TADA3: variants seen among roughly 807,000 people sequenced by gnomAD.
TADA3 encodes transcriptional adaptor 3.
Under a neutral mutation model 43.2 loss-of-function variants are expected in TADA3, and 25 were observed. The ratio of observed to expected loss-of-function variants is 0.58; its 90% CI spans 0.42 to 0.81. The LOEUF is 0.81. TADA3 is among the 30% of genes least tolerant of loss of function. The pLI, the probability that TADA3 is intolerant of heterozygous loss-of-function variation, is 0.00. For synonymous variants in TADA3, 235 were observed against 225.5 expected (o/e 1.04, Z -0.38); for missense variants, 441 against 567.8 (o/e 0.78, Z 2.27).
chr3:9,787,910 G>T, intron 4 of TADA3: 1 of 369,304 alleles, frequency 2.7e-6, no homozygotes, highest in South Asian at 2.1e-5. Flanking sequence ...AGGGAGAGAA[G>T]AGCTTGCCAG....
rs560623592 is a variant in TADA3 at position 9,782,058 on chromosome 3, G to A, written c.1107-1509C>T. Among the ~76,000 whole-genome samples the A allele has an allele frequency of 5.9e-5, 9 of 151,826 alleles. No individual in the cohort carries two copies. In the South Asian group the frequency reaches 8.3e-4, roughly 14 times the overall value. Reference sequence around the variant, plus strand: ...TGACTACATTGCCCAGGCTAGTTTCGAACTCCTGAGCTCAAACAAGCCTCC... The same window carrying A: ...TGACTACATTGCCCAGGCTAGTTTCAAACTCCTGAGCTCAAACAAGCCTCC... On this transcript the variant is annotated intron_variant, in intron 8 of 8. Coordinates refer to ENST00000301964, the MANE Select transcript of TADA3 (RefSeq NM_006354.5).
intron 8 of TADA3, chr3:9,781,599 A>T (rs1431886057): frequency 2.2e-6 from 1 of 456,232 alleles, no homozygotes; most frequent in Admixed American, 2.3e-5. Context: ...GGCTGACAGG[A>T]GGTGGGTGAG....
intron 8 of TADA3, chr3:9,783,797 ACAAAT>A: frequency 2.7e-6 from 2 of 737,906 alleles, no homozygotes; most frequent in Non-Finnish European, 3.9e-6. Context: ...CAAAACAAAA[ACAAAT>A]CAAATCAATC....
In TADA3 at chr3:9,780,153, G is replaced by A. The variant is rs1575289086; in HGVS notation, c.*204C>T. On this transcript the variant is annotated 3_prime_UTR_variant, in exon 9 of 9. Transcript: ENST00000301964. ...ATCTCGGGGACCAAGCAGAGACTAG[G>A]CCTCAGGCTAGCCCAGCAGGGCTTC... 2 of 496,532 alleles carry A rather than the reference G, an allele frequency of 4.0e-6. No homozygotes were observed. The highest frequency in any genetic ancestry group is 6.4e-5 in the East Asian group (2 of 31,170). The allele number at this position is 496,532 out of a possible 1,614,324, so 30.8% of individuals were successfully genotyped here.
At chr3:9,787,415 C>A in intron 4 of TADA3, 75 bp from the exon 5 acceptor site, 1 of 1,525,982 alleles carries the variant, frequency 6.6e-7, no homozygotes, top group Non-Finnish European at 8.8e-7. Context: ...ATTCACTTAC[C>A]TATCTTATAT....
chr3:9,789,588 C>A lies in TADA3; in HGVS notation c.485G>T (p.Cys162Phe), dbSNP rs200008508. The change falls in exon 4 of 9, where the codon TGT (cysteine) becomes TTT (phenylalanine). Residue 162 changes from cysteine (C) to phenylalanine (F), a missense_variant. By Grantham distance (205) the Cys-to-Phe change is radical (BLOSUM62 -2). Coordinates refer to ENST00000301964, the MANE Select transcript of TADA3 (RefSeq NM_006354.5). Reference protein sequence around the residue: ...NRFWASVEPYCADITSEEVRT... With the variant: ...NRFWASVEPYFADITSEEVRT... ...GACCTCCTCGCTGGTGATGTCAGCA[C>A]AGTAGGGCTCCACTGAAGCCCAGAA... The A allele has an allele frequency of 1.2e-4, 192 of 1,614,052 alleles. No individual in the cohort carries two copies. Among genetic ancestry groups the A allele is most frequent in the Non-Finnish European group, 1.6e-4 (187 of 1,180,022 alleles).
At chr3:9,781,912 C>T (rs752102469) in intron 8 of TADA3, among the ~76,000 whole-genome samples, 7 of 146,730 alleles carry the variant, frequency 4.8e-5, no homozygotes, top group Non-Finnish European at 8.9e-5. Flanking sequence ...TGATCAAGCT[C>T]ACTGCAGCCT....
rs1431978835 is a variant in TADA3 at position 9,780,138 on chromosome 3, C to G, written c.*219G>C. ...GTCCCCTCCAACCCCATCTCGGGGA[C>G]CAAGCAGAGACTAGGCCTCAGGCTA... On this transcript the variant is annotated 3_prime_UTR_variant, in exon 9 of 9. Transcript: ENST00000301964. 3 of 455,568 alleles carry G rather than the reference C, an allele frequency of 6.6e-6. No individual in the cohort carries two copies. Among genetic ancestry groups the G allele is most frequent in the Non-Finnish European group, 1.2e-5 (3 of 258,372 alleles). 28.2% of individuals were successfully genotyped at this position (455,568 alleles called of 1,614,324 possible).
chr3:9,791,291 C>T lies in TADA3; in HGVS notation c.176G>A (p.Arg59Gln), dbSNP rs556976760. 11 of 1,613,426 alleles carry T rather than the reference C, an allele frequency of 6.8e-6. No individual in the cohort carries two copies. The highest frequency in any genetic ancestry group is 2.2e-5 in the East Asian group (1 of 44,882). The part of the protein sequence containing the change: ...ELETLLSSAS[R>Q]RLRVLEAETQ... ...TTCGGCCTCAAGCACACGCAGGCGC[C>T]GGCTGGCAGAAGACAGCAGGGTCTC... is the stretch of plus-strand genomic sequence containing the variant. Residue 59 changes from arginine (R) to glutamine (Q), a missense_variant, in exon 2 of 9, where the codon CGG (arginine) becomes CAG (glutamine). By Grantham distance (43) the Arg-to-Gln change is conservative (BLOSUM62 1). Coordinates refer to ENST00000301964, the MANE Select transcript of TADA3 (RefSeq NM_006354.5).
At chr3:9,785,508 A>G (rs1009098891) in intron 6 of TADA3, 83 bp from the exon 7 acceptor site, 1 of 895,922 alleles carries the variant, frequency 1.1e-6, no homozygotes. Flanking sequence ...ACAGTCTTCA[A>G]ACACCAGAAA....
intron 1 of TADA3, among the ~76,000 whole-genome samples, chr3:9,791,838 G>C (rs995713916): frequency 2.0e-5 from 3 of 152,120 alleles, no homozygotes; most frequent in Non-Finnish European, 4.4e-5. Flanking sequence ...TGATCACCAT[G>C]CTATACTGCT....
In TADA3 at chr3:9,792,438, G is replaced by C. The variant is rs2078761872; in HGVS notation, c.-250C>G. Reference sequence around the variant, plus strand: ...CCCCAGGGGCCGCGGGAGGGGGCGGGGAGTTCCGGTCGATGTGAGCAACCG... The same window carrying C: ...CCCCAGGGGCCGCGGGAGGGGGCGGCGAGTTCCGGTCGATGTGAGCAACCG... On this transcript the variant is annotated 5_prime_UTR_variant, in exon 1 of 9. Transcript: ENST00000301964. 9.0e-7 allele frequency: 1 copy of C among 1,113,254 alleles called. No homozygotes were observed. The highest frequency in any genetic ancestry group is 1.6e-5 in the African/African-American group (1 of 61,684). The allele number at this position is 1,113,254 out of a possible 1,614,324, so 69.0% of individuals were successfully genotyped here. A position where few individuals can be genotyped will look rare whatever the true frequency, so the allele number is the denominator to read the frequency against.
Position 9,785,309 on chromosome 3 carries a change from C to T in TADA3, c.920+7G>A. On this transcript the variant is annotated splice_region_variant and intron_variant, in intron 7 of 8. Transcript: ENST00000301964. The stretch of plus-strand genomic sequence containing the variant: ...AGACTGTGGGTTGTGGATAGGACAC[C>T]ACTCACCTGAAGGGCTTGTTCTGAT... 6.2e-7 allele frequency: 1 copy of T among 1,609,052 alleles called. No homozygotes were observed. The highest frequency in any genetic ancestry group is 1.3e-5 in the African/African-American group (1 of 74,976).
chr3:9,787,820 G>C (rs1479869231), intron 4 of TADA3: 1 of 842,632 alleles, frequency 1.2e-6, no homozygotes, highest in Non-Finnish European at 1.7e-6. Flanking sequence ...TTTCTGCTGG[G>C]GAATCTGAAA....
At position 9,787,085 on chromosome 3, in the gene TADA3, G is replaced by A. The variant is rs1243428966; in HGVS notation, c.731C>T (p.Ser244Phe). The stretch of plus-strand genomic sequence containing the variant: ...TTCCGGCTGTTCATGCTGGGCCTCA[G>A]ACTTCTTCAGCAGGGCATCCACATC... Reference protein sequence around the residue: ...TKDVDALLKKSEAQHEQPEDG... With the variant: ...TKDVDALLKKFEAQHEQPEDG... The change falls in exon 6 of 9, where the codon TCT becomes TTT. Residue 244 changes from serine to phenylalanine, a missense_variant. Coordinates refer to ENST00000301964, the MANE Select transcript of TADA3 (RefSeq NM_006354.5). The A allele has an allele frequency of 1.2e-6, 2 of 1,614,248 alleles. No individual in the cohort carries two copies. Among genetic ancestry groups the A allele is most frequent in the East Asian group, 2.2e-5 (1 of 44,892 alleles).
chr3:9,784,884 G>GA (rs1172223085), intron 7 of TADA3, among the ~76,000 whole-genome samples: 1 of 150,470 alleles, frequency 6.6e-6, no homozygotes. Context: ...AAAAGAAAAA[G>GA]AAAAAAAGAA....
intron 6 of TADA3, among the ~76,000 whole-genome samples, chr3:9,785,640 G>A (rs2078589776): frequency 6.6e-6 from 1 of 152,200 alleles, no homozygotes; most frequent in Admixed American, 6.5e-5. Flanking sequence ...AAGGAACACA[G>A]AAGAGAAATG....
intron 6 of TADA3, 124 bp from the exon 7 acceptor site, chr3:9,785,549 G>A (rs769395676): frequency 2.4e-5 from 16 of 668,018 alleles, no homozygotes; most frequent in East Asian, 8.3e-5. Context: ...CCCACCTACC[G>A]TGGGAAGCCT....
chr3:9,784,163 G>A lies in TADA3; in HGVS notation c.971C>T (p.Ala324Val). ...LESRIKEELIAQGLLESEDRP... is the reference protein window; with the variant it reads ...LESRIKEELIVQGLLESEDRP... ...GTCCTCAGACTCCAAAAGGCCCTGG[G>A]CAATTAGCTCCTCCTTGATGCGGCT... is the stretch of plus-strand genomic sequence containing the variant. Residue 324 changes from alanine (A) to valine (V), a missense_variant, in exon 8 of 9, where the codon GCC (alanine) becomes GTC (valine). By Grantham distance (64) the Ala-to-Val change is moderately conservative. Transcript: ENST00000301964. 6.2e-7 allele frequency: 1 copy of A among 1,614,064 alleles called. No homozygotes were observed. Among genetic ancestry groups the A allele is most frequent in the Non-Finnish European group, 8.5e-7 (1 of 1,179,936 alleles).
Sources: allele counts gnomAD v4.1 joint callset (sites outside exome capture counted in the v4.1 genomes callset), GRCh38; gene constraint gnomAD v4.1.1; transcripts MANE v1.5; gene names NCBI Gene and HGNC (gene_info 2026-07-23, HGNC 2026-07-21).